MPDZ: variants seen among roughly 807,000 people sequenced by gnomAD.
MPDZ encodes multiple PDZ domain protein.
MPDZ carries 234 observed loss-of-function variants against 239.1 expected under a neutral mutation model. The observed-to-expected ratio is 0.98, with a 90% CI of 0.88 to 1.09. MPDZ has a LOEUF of 1.09. Among genes scored for constraint, MPDZ ranks in the 50% least tolerant of loss-of-function variants. MPDZ has a pLI of 0.00. For missense variants in MPDZ, 3,175 were observed against 2,510.0 expected (o/e 1.26, Z -5.66); for synonymous variants, 1,048 against 881.3 (o/e 1.19, Z -3.35).
intron 3 of MPDZ, among the ~76,000 whole-genome samples, chr9:13,228,482 T>C: frequency 6.6e-6 from 1 of 152,086 alleles, no homozygotes; most frequent in East Asian, 1.9e-4. Context: ...AAAGGTCAAG[T>C]AAAGCAGAAA....
At chr9:13,125,766 AAC>A (rs1460200028) in intron 34 of MPDZ, among the ~76,000 whole-genome samples, 1 of 152,180 alleles carries the variant, frequency 6.6e-6, no homozygotes, top group Non-Finnish European at 1.5e-5. Context: ...AACTTACACA[AAC>A]AGTTTTAATA....
At chr9:13,114,098 A>G in intron 40 of MPDZ, 77 bp from the exon 41 acceptor site, 1 of 1,108,200 alleles carries the variant, frequency 9.0e-7, no homozygotes, top group Non-Finnish European at 1.3e-6. Context: ...TCAGAATTTA[A>G]TCTAGAGACA....
intron 3 of MPDZ, among the ~76,000 whole-genome samples, chr9:13,225,542 G>A (rs1960296580): frequency 2.0e-5 from 3 of 151,874 alleles, no homozygotes; most frequent in Admixed American, 2.0e-4. Flanking sequence ...TCCATTCATG[G>A]TACGTGTCTC....
intron 35 of MPDZ, among the ~76,000 whole-genome samples, chr9:13,124,187 TTTATG>T (rs1944786782): frequency 1.3e-5 from 2 of 152,340 alleles, no homozygotes; most frequent in Admixed American, 1.3e-4. Flanking sequence ...GATATTTTCT[TTTATG>T]TTAAGTTTTC....
intron 1 of MPDZ, among the ~76,000 whole-genome samples, chr9:13,275,828 T>C (rs1271683117): frequency 6.6e-6 from 1 of 152,168 alleles, no homozygotes; most frequent in Non-Finnish European, 1.5e-5. Context: ...AATATACAAA[T>C]TGAATATGCT....
intron 3 of MPDZ, among the ~76,000 whole-genome samples, chr9:13,237,384 C>T (rs1370903181): frequency 6.9e-6 from 1 of 144,306 alleles, no homozygotes; most frequent in Non-Finnish European, 1.5e-5. Flanking sequence ...CTGCAGTGAG[C>T]CATGAGCATG....
intron 26 of MPDZ, among the ~76,000 whole-genome samples, chr9:13,146,658 T>C (rs913896359): frequency 6.6e-6 from 1 of 151,890 alleles, no homozygotes; most frequent in Non-Finnish European, 1.5e-5. Context: ...ATCTAGGAAA[T>C]GGTATGCAAT....
At chr9:13,176,016 C>T (rs974715680) in intron 20 of MPDZ, 120 bp downstream of exon 20, 6 of 1,418,690 alleles carry the variant, frequency 4.2e-6, no homozygotes, top group African/African-American at 1.4e-5. Context: ...TCATAGGTTG[C>T]CTTCTGAAAA....
At chr9:13,156,976 A>G (rs1298042255) in intron 24 of MPDZ, among the ~76,000 whole-genome samples, 2 of 152,200 alleles carry the variant, frequency 1.3e-5, no homozygotes, top group Non-Finnish European at 2.9e-5. Flanking sequence ...TGAAATTCAA[A>G]TAAGAAATTC....
intron 3 of MPDZ, among the ~76,000 whole-genome samples, chr9:13,236,539 C>A (rs2137069748): frequency 6.6e-6 from 1 of 151,390 alleles, no homozygotes; most frequent in Non-Finnish European, 1.5e-5. Context: ...CCTCAGCCTC[C>A]CAAAGTGCTG....
chr9:13,216,865 A>G lies in MPDZ; in HGVS notation c.1202-3T>C. ...CTTTACAAAGATTCCTGAAGGTTCT[A>G]AGATTAGAAATAGTTTATTTTTCAC... On this transcript the variant is annotated splice_polypyrimidine_tract_variant and splice_region_variant and intron_variant, in intron 9 of 46. Coordinates refer to ENST00000319217, the MANE Select transcript of MPDZ (RefSeq NM_001378778.1). The G allele has an allele frequency of 6.2e-7, 1 of 1,603,570 alleles. No homozygotes were observed. Among genetic ancestry groups the G allele is most frequent in the Non-Finnish European group, 8.5e-7 (1 of 1,173,534 alleles).
At chr9:13,136,255 A>G in intron 30 of MPDZ, 73 bp from the exon 31 acceptor site, 1 of 942,332 alleles carries the variant, frequency 1.1e-6, no homozygotes, top group South Asian at 1.8e-5. Flanking sequence ...AAGAGTCAGA[A>G]GGTTATTAGA....
intron 22 of MPDZ, among the ~76,000 whole-genome samples, chr9:13,167,178 G>A (rs116819315): frequency 0.01 from 1,563 of 151,994 alleles, 30 homozygotes; most frequent in African/African-American, 0.034. Flanking sequence ...GGCCATAAGC[G>A]GTAAAGAAAA....
At chr9:13,196,747 T>G (rs1486874500) in intron 12 of MPDZ, among the ~76,000 whole-genome samples, 1 of 152,130 alleles carries the variant, frequency 6.6e-6, no homozygotes, top group East Asian at 1.9e-4. Flanking sequence ...AAAAGCCTAT[T>G]AATTGGTATC....
chr9:13,225,950 G>A (rs1433898748), intron 3 of MPDZ, among the ~76,000 whole-genome samples: 2 of 151,978 alleles, frequency 1.3e-5, no homozygotes, highest in Non-Finnish European at 2.9e-5. Flanking sequence ...CCCTACCATA[G>A]ATCATAACCA....
At chr9:13,261,798 A>G (rs1286125160) in intron 1 of MPDZ, among the ~76,000 whole-genome samples, 2 of 151,326 alleles carry the variant, frequency 1.3e-5, no homozygotes, top group African/African-American at 4.9e-5. Flanking sequence ...TTGAGAAGCC[A>G]AGGTGAGAGG....
In MPDZ at chr9:13,267,672, T is replaced by C. The variant is rs550736653; in HGVS notation, c.-58+11728A>G. Among the ~76,000 whole-genome samples the C allele has an allele frequency of 1.2e-3, 182 of 152,258 alleles. 2 individuals carry two copies. The highest frequency in any genetic ancestry group is 2.2e-3 in the Non-Finnish European group (147 of 68,018). ...ATCTGAGAAAAGACATGGAGAAGAA[T>C]GTGTTTGATGTATGGCAAGACACAA... On this transcript the variant is annotated intron_variant, in intron 1 of 46. Coordinates refer to ENST00000319217, the MANE Select transcript of MPDZ (RefSeq NM_001378778.1).
chr9:13,153,093 T>G (rs1182045196), intron 24 of MPDZ, among the ~76,000 whole-genome samples: 1 of 152,128 alleles, frequency 6.6e-6, no homozygotes, highest in East Asian at 1.9e-4. Flanking sequence ...CACTGACATT[T>G]AAGGAGTTCC....
chr9:13,216,183 G>A (rs1345004170), intron 10 of MPDZ, among the ~76,000 whole-genome samples: 1 of 151,444 alleles, frequency 6.6e-6, no homozygotes, highest in Non-Finnish European at 1.5e-5. Context: ...GGTATCAACT[G>A]AACACTGAAA....
Sources: allele counts gnomAD v4.1 joint callset (sites outside exome capture counted in the v4.1 genomes callset), GRCh38; gene constraint gnomAD v4.1.1; transcripts MANE v1.5; gene names NCBI Gene and HGNC (gene_info 2026-07-23, HGNC 2026-07-21).